Variants in CNTN5 observed in about 807,000 individuals in gnomAD.
CNTN5 encodes contactin 5.
CNTN5 carries 77 observed loss-of-function variants against 129.1 expected under a neutral mutation model. That is an observed-to-expected ratio of 0.60 (90% CI 0.50 to 0.72). The LOEUF (loss-of-function observed/expected upper bound fraction) is 0.72. Among genes scored for constraint, CNTN5 ranks in the 30% least tolerant of loss-of-function variants. The pLI is 0.00. For missense variants in CNTN5, 1,478 were observed against 1,328.8 expected (o/e 1.11, Z -1.75); for synonymous variants, 509 against 465.6 (o/e 1.09, Z -1.20).
intron 3 of CNTN5, among the ~76,000 whole-genome samples, chr11:99,680,214 T>C (rs1953490630): frequency 1.3e-5 from 2 of 152,240 alleles, no homozygotes; most frequent in African/African-American, 4.8e-5. Flanking sequence ...AAACAAATTT[T>C]CAATATAGAT....
intron 3 of CNTN5, among the ~76,000 whole-genome samples, chr11:99,658,775 C>G (rs533460009): frequency 1.3e-5 from 2 of 148,272 alleles, no homozygotes; most frequent in South Asian, 2.1e-4. Flanking sequence ...GTAATCCCAG[C>G]TACTAGGGAG....
At chr11:99,887,343 A>T (rs1948927318) in intron 6 of CNTN5, among the ~76,000 whole-genome samples, 1 of 152,178 alleles carries the variant, frequency 6.6e-6, no homozygotes, top group Non-Finnish European at 1.5e-5. Context: ...GAGATTTATA[A>T]GTCCTTTAAA....
At chr11:99,909,443 CA>C (rs1949595940) in intron 6 of CNTN5, among the ~76,000 whole-genome samples, 1 of 152,096 alleles carries the variant, frequency 6.6e-6, no homozygotes, top group Non-Finnish European at 1.5e-5. Context: ...CCATTTGACT[CA>C]ACCATCCCAT....
intron 2 of CNTN5, among the ~76,000 whole-genome samples, chr11:99,326,446 G>A (rs1400889963): frequency 1.3e-5 from 2 of 152,128 alleles, no homozygotes; most frequent in African/African-American, 2.4e-5. Context: ...CCTACTCTAT[G>A]CTTTCAGTAC....
intron 1 of CNTN5, among the ~76,000 whole-genome samples, chr11:99,033,078 A>C (rs1863484936): frequency 6.7e-6 from 1 of 148,298 alleles, no homozygotes; most frequent in African/African-American, 2.6e-5. Context: ...AGATAGTTGT[A>C]GATATGCGGC....
At chr11:99,668,173 G>C (rs537965932) in intron 3 of CNTN5, among the ~76,000 whole-genome samples, 2 of 152,150 alleles carry the variant, frequency 1.3e-5, no homozygotes, top group East Asian at 3.9e-4. Flanking sequence ...TGCCAAGCTT[G>C]GCATAAAGAA....
rs547260251 is a variant in CNTN5 at position 100,326,752 on chromosome 11, T to TGA, written c.2731-13703_2731-13702dup. On this transcript the variant is annotated intron_variant, in intron 21 of 24. Coordinates refer to ENST00000524871, the MANE Select transcript of CNTN5 (RefSeq NM_014361.4). Reference sequence around the variant, plus strand: ...AATTATATTAAAAATTAAAATGATGTGAGAGAGAGTGACTAAGGGAGGGGT... The same window carrying TGA: ...AATTATATTAAAAATTAAAATGATGTGAGAGAGAGAGTGACTAAGGGAGGGGT... Among the ~76,000 whole-genome samples, 38 of 152,238 alleles carry TGA rather than the reference T, an allele frequency of 2.5e-4. 1 individual carries two copies. The East Asian group carries it at 7.3e-3, about 29-fold the overall frequency.
chr11:99,580,124 G>T (rs1181970480), intron 3 of CNTN5, among the ~76,000 whole-genome samples: 1 of 152,146 alleles, frequency 6.6e-6, no homozygotes, highest in Non-Finnish European at 1.5e-5. Flanking sequence ...TTAGACGCTG[G>T]ATTACATTTA....
intron 20 of CNTN5, among the ~76,000 whole-genome samples, chr11:100,304,982 T>A (rs989950035): frequency 6.6e-6 from 1 of 151,422 alleles, no homozygotes; most frequent in Non-Finnish European, 1.5e-5. Flanking sequence ...TGTTTACTTC[T>A]AATCTTATTC....
At chr11:100,306,373 A>G (rs1214803790) in intron 20 of CNTN5, among the ~76,000 whole-genome samples, 1 of 151,668 alleles carries the variant, frequency 6.6e-6, no homozygotes, top group African/African-American at 2.4e-5. Flanking sequence ...AGATAAAGAG[A>G]TATGGAAAGG....
At chr11:100,056,147 A>G (rs1371526497) in intron 9 of CNTN5, among the ~76,000 whole-genome samples, 1 of 151,554 alleles carries the variant, frequency 6.6e-6, no homozygotes, top group Non-Finnish European at 1.5e-5. Context: ...CTGAATATTT[A>G]CTTTTATTGT....
At chr11:99,902,432 TG>T (rs1184761293) in intron 6 of CNTN5, among the ~76,000 whole-genome samples, 1 of 152,044 alleles carries the variant, frequency 6.6e-6, no homozygotes, top group Non-Finnish European at 1.5e-5. Flanking sequence ...CTAGACTATT[TG>T]GGATGCCCTT....
At chr11:99,584,028 A>G (rs1310555462) in intron 3 of CNTN5, among the ~76,000 whole-genome samples, 1 of 152,210 alleles carries the variant, frequency 6.6e-6, no homozygotes, top group Non-Finnish European at 1.5e-5. Flanking sequence ...AGCCATCATT[A>G]TAAAATTAAT....
chr11:99,743,548 C>T lies in CNTN5; in HGVS notation c.56-75996C>T, dbSNP rs937108917. Among the ~76,000 whole-genome samples, 29 of 152,100 alleles carry T rather than the reference C, an allele frequency of 1.9e-4. 1 individual carries two copies. The highest frequency in any genetic ancestry group is 2.0e-4 in the Admixed American group (3 of 15,254). The stretch of plus-strand genomic sequence containing the variant: ...CAATTACATGAAGTACATATAAAGT[C>T]GTTAAGGGCCTGATATGTATTAGCT... On this transcript the variant is annotated intron_variant, in intron 3 of 24. Transcript: ENST00000524871.
intron 2 of CNTN5, among the ~76,000 whole-genome samples, chr11:99,345,677 A>G (rs1185814296): frequency 6.6e-6 from 1 of 152,350 alleles, no homozygotes; most frequent in African/African-American, 2.4e-5. Flanking sequence ...AAGATATGTT[A>G]AGAATGATAT....
At chr11:99,458,941 G>A (rs1238625382) in intron 2 of CNTN5, among the ~76,000 whole-genome samples, 1 of 152,018 alleles carries the variant, frequency 6.6e-6, no homozygotes, top group Admixed American at 6.6e-5. Context: ...GTAAGACAGA[G>A]GGCGTTGAAT....
At chr11:99,303,672 T>C (rs996314219) in intron 1 of CNTN5, among the ~76,000 whole-genome samples, 16 of 152,056 alleles carry the variant, frequency 1.1e-4, no homozygotes, top group African/African-American at 3.6e-4. Context: ...CAGTGATCTG[T>C]ATTCAAGTAC....
chr11:99,407,094 T>C (rs945521414), intron 2 of CNTN5, among the ~76,000 whole-genome samples: 3 of 152,166 alleles, frequency 2.0e-5, no homozygotes, highest in Admixed American at 2.0e-4. Context: ...ACTTTACTTT[T>C]TTCCCTCTGA....
chr11:99,928,615 G>A (rs917360673), intron 7 of CNTN5, among the ~76,000 whole-genome samples: 1 of 152,160 alleles, frequency 6.6e-6, no homozygotes, highest in African/African-American at 2.4e-5. Flanking sequence ...CCACAGCTGG[G>A]ATGCAGGGCA....
Sources: gnomAD v4.1 joint callset for allele counts (sites outside exome capture counted in the v4.1 genomes callset) on GRCh38, gnomAD v4.1.1 for gene constraint, MANE v1.5 for transcripts, NCBI Gene and HGNC (gene_info 2026-07-23, HGNC 2026-07-21) for gene names.